RIMS3: variants seen among roughly 807,000 people sequenced by gnomAD.
The protein encoded by RIMS3 is regulating synaptic membrane exocytosis protein 3.
RIMS3 carries 15 observed loss-of-function variants against 29.2 expected under a neutral mutation model. That is an observed-to-expected ratio of 0.51 (90% CI 0.34 to 0.79). The LOEUF is 0.79. Ranked by LOEUF, RIMS3 falls within the 30% of genes least tolerant of loss-of-function variation. RIMS3 has a pLI of 0.01. For synonymous variants in RIMS3, 161 were observed against 170.1 expected (o/e 0.95, Z 0.41); for missense variants, 342 against 421.4 (o/e 0.81, Z 1.65).
chr1:40,686,663 A>G, the RIMS3 span, among the ~76,000 whole-genome samples: 1 of 152,222 alleles, frequency 6.6e-6, no homozygotes, highest in East Asian at 1.9e-4. Context: ...TCTCAAAAAC[A>G]AAAACAAAAA....
At chr1:40,678,997 A>G in the RIMS3 span, among the ~76,000 whole-genome samples, 2 of 152,300 alleles carry the variant, frequency 1.3e-5, no homozygotes, top group African/African-American at 4.8e-5. Flanking sequence ...AAGTTCTAAC[A>G]CTCCAAGACC....
chr1:40,644,875 G>A (rs1269194442), intron 2 of RIMS3, among the ~76,000 whole-genome samples: 1 of 152,226 alleles, frequency 6.6e-6, no homozygotes, highest in East Asian at 1.9e-4. Context: ...GAGAGAGTCT[G>A]CCTATTCAAA....
chr1:40,675,231 G>T, the RIMS3 span, among the ~76,000 whole-genome samples: 5 of 151,646 alleles, frequency 3.3e-5, no homozygotes, highest in Non-Finnish European at 7.4e-5. Context: ...ATCGTGCCAT[G>T]CCACTGCACT....
At chr1:40,674,376 T>C in the RIMS3 span, among the ~76,000 whole-genome samples, 1 of 152,188 alleles carries the variant, frequency 6.6e-6, no homozygotes, top group South Asian at 2.1e-4. Context: ...CAAACCCTGC[T>C]GGGGCCACGC....
rs1466678409 is a variant in RIMS3 at position 40,626,531 on chromosome 1, G to A, written c.913C>T (p.Pro305Ser). 6.2e-7 allele frequency: 1 copy of A among 1,608,614 alleles called. No individual in the cohort carries two copies. The highest frequency in any genetic ancestry group is 8.5e-7 in the Non-Finnish European group (1 of 1,177,488). ...TCCTGACATCCTTAAGAGCATGAGG[G>A]GCTGGTGGCACTCTCCAGGGAAGAC... ...SQSSLESATS[P>S]SCS The change falls in exon 8 of 8, where the codon CCC (proline) becomes TCC (serine). Residue 305 changes from proline to serine, a missense_variant. By Grantham distance (74) the Pro-to-Ser change is moderately conservative. Coordinates refer to ENST00000372684, the MANE Select transcript of RIMS3 (RefSeq NM_014747.3).
At chr1:40,638,918 A>C (rs1646538646) in intron 3 of RIMS3, among the ~76,000 whole-genome samples, 1 of 152,216 alleles carries the variant, frequency 6.6e-6, no homozygotes. Context: ...TAGCCCTCTA[A>C]AGTGAGTTTT....
At chr1:40,680,172 A>C in the RIMS3 span, among the ~76,000 whole-genome samples, 6 of 151,992 alleles carry the variant, frequency 3.9e-5, no homozygotes, top group Non-Finnish European at 8.8e-5. Context: ...ACCAACAACA[A>C]AAACAAAAAA....
intron 1 of RIMS3, among the ~76,000 whole-genome samples, chr1:40,650,208 G>A (rs1206395203): frequency 1.3e-5 from 2 of 152,222 alleles, no homozygotes; most frequent in East Asian, 1.9e-4. Flanking sequence ...TCCACTAGGG[G>A]CCGCTGGGGT....
At chr1:40,646,882 CTTT>C (rs200219484) in intron 2 of RIMS3, among the ~76,000 whole-genome samples, 58,797 of 144,320 alleles carry the variant, frequency 0.41, 11,900 homozygotes, top group Non-Finnish European at 0.46. Context: ...AACCAGATAA[CTTT>C]TTTTTTTTTT....
chr1:40,681,854 A>C, the RIMS3 span, among the ~76,000 whole-genome samples: 2 of 152,064 alleles, frequency 1.3e-5, no homozygotes, highest in East Asian at 1.9e-4. Context: ...TTTATTTGAG[A>C]CTGAGTTTTG....
At chr1:40,691,501 T>TC in the RIMS3 span, 2 of 303,958 alleles carry the variant, frequency 6.6e-6, no homozygotes, top group African/African-American at 4.6e-5. Context: ...CGCCTCCGGA[T>TC]CCCCCGAAAG....
At position 40,635,860 on chromosome 1, in the gene RIMS3, C is replaced by T. The variant is rs1354294231; in HGVS notation, c.359+56G>A. 3 of 1,595,326 alleles carry T rather than the reference C, an allele frequency of 1.9e-6. No individual in the cohort carries two copies. In the African/African-American group the frequency reaches 4.0e-5, roughly 21 times the overall value. Reference sequence around the variant, plus strand: ...GGCTTTCCCACCCTGCCCAGTGGCTCTGTGACTGGAGGACCGAGGAGGAGG... The same window carrying T: ...GGCTTTCCCACCCTGCCCAGTGGCTTTGTGACTGGAGGACCGAGGAGGAGG... On this transcript the variant is annotated intron_variant, in intron 4 of 7. Transcript: ENST00000372684. This position sits in a 1 kb window ranked among gnomAD's most constrained non-coding sequence, Gnocchi z 4.1.
intron 5 of RIMS3, among the ~76,000 whole-genome samples, chr1:40,632,421 TATA>T (rs1557667045): frequency 4.7e-4 from 3 of 6,316 alleles, no homozygotes; most frequent in South Asian, 2.6e-3. Flanking sequence ...TATAAATTTA[TATA>T]TATATATATA....
chr1:40,647,875 C>T (rs1229500503), intron 1 of RIMS3, 33 bp from the exon 2 acceptor site: 4 of 152,186 alleles, frequency 2.6e-5, no homozygotes, highest in African/African-American at 9.7e-5. Flanking sequence ...AGAGGAAGGG[C>T]TAGGTAAAGC....
At position 40,654,876 on chromosome 1, in the gene RIMS3, C is replaced by T. The variant is rs1200609279; in HGVS notation, c.-206-7034G>A. Among the ~76,000 whole-genome samples, 1 of 152,094 alleles carries T rather than the reference C, an allele frequency of 6.6e-6. No homozygotes were observed. The highest frequency in any genetic ancestry group is 1.5e-5 in the Non-Finnish European group (1 of 68,014). ...TACATACACACACACATTATGCCTTCACAGAGATCCTCAAACATTCACCAT... is the reference window on the plus strand; with the variant it reads ...TACATACACACACACATTATGCCTTTACAGAGATCCTCAAACATTCACCAT... On this transcript the variant is annotated intron_variant, in intron 1 of 7. Coordinates refer to ENST00000372684, the MANE Select transcript of RIMS3 (RefSeq NM_014747.3). This position sits in a 1 kb window ranked among gnomAD's most constrained non-coding sequence, Gnocchi z 5.3.
intron 2 of RIMS3, among the ~76,000 whole-genome samples, chr1:40,643,835 A>C (rs1646577281): frequency 6.6e-6 from 1 of 152,080 alleles, no homozygotes; most frequent in Non-Finnish European, 1.5e-5. Flanking sequence ...GATTCCTCGA[A>C]ATGGAACGAC....
intron 1 of RIMS3, among the ~76,000 whole-genome samples, chr1:40,656,660 G>T (rs1258851336): frequency 6.6e-6 from 1 of 151,966 alleles, no homozygotes; most frequent in African/African-American, 2.4e-5. Flanking sequence ...GTGCATGCCT[G>T]TAATCCCAGC....
intron 1 of RIMS3, among the ~76,000 whole-genome samples, chr1:40,653,619 T>G (rs889937650): frequency 6.6e-6 from 1 of 152,208 alleles, no homozygotes; most frequent in African/African-American, 2.4e-5. Flanking sequence ...CCCGGGGCTC[T>G]GAAGCACTTA....
rs745416127 is a variant in RIMS3, at chr1:40,654,823, G to GAC, written c.-206-6983_-206-6982dup. ...GAGTTACCTAGCTACATTTGCCAGG[G>GAC]ACATACACACACACTTAAACTCTCT... On this transcript the variant is annotated intron_variant, in intron 1 of 7. Transcript: ENST00000372684. The surrounding 1 kb of genome is among the most constrained non-coding windows in gnomAD (Gnocchi z 5.3). Among the ~76,000 whole-genome samples the GAC allele has an allele frequency of 1.1e-4, 16 of 151,968 alleles. No homozygotes were observed. The East Asian group carries it at 1.7e-3, about 17-fold the overall frequency.
Sources: allele counts gnomAD v4.1 joint callset (sites outside exome capture counted in the v4.1 genomes callset), GRCh38; gene constraint gnomAD v4.1.1; non-coding constraint Gnocchi (gnomAD v3.1); transcripts MANE v1.5; gene names NCBI Gene and HGNC (gene_info 2026-07-23, HGNC 2026-07-21).